FOXN3: variants seen among roughly 807,000 people sequenced by gnomAD.
The protein encoded by FOXN3 is forkhead box protein N3.
Under a neutral mutation model 38.4 loss-of-function variants are expected in FOXN3, and 7 were observed. The ratio of observed to expected loss-of-function variants is 0.18; its 90% CI spans 0.10 to 0.34. The LOEUF (loss-of-function observed/expected upper bound fraction) is 0.34, where lower values mean the gene tolerates loss of function less well. Ranked by LOEUF, FOXN3 falls within the 10% of genes least tolerant of loss-of-function variation. The pLI, the probability that FOXN3 is intolerant of heterozygous loss-of-function variation, is 1.00. For missense variants in FOXN3, 456 were observed against 613.4 expected, an observed-to-expected ratio of 0.74 and a Z score of 2.71; for synonymous variants, 230 against 242.2, an observed-to-expected ratio of 0.95 and a Z score of 0.47.
intron 2 of FOXN3, among the ~76,000 whole-genome samples, chr14:89,407,014 AAAC>A (rs909189830): frequency 1.4e-5 from 2 of 147,418 alleles, no homozygotes; most frequent in Non-Finnish European, 1.5e-5. Context: ...AAAAAAAAAA[AAAC>A]TAATGAGAAA....
At chr14:89,333,966 G>GTGTATATATATATA (rs1490383212) in intron 3 of FOXN3, among the ~76,000 whole-genome samples, 4 of 131,558 alleles carry the variant, frequency 3.0e-5, no homozygotes, top group African/African-American at 1.2e-4. Flanking sequence ...AATGTGGTGT[G>GTGTATATATATATA]TATATATATA....
At chr14:89,439,944 G>A (rs955179217) in intron 1 of FOXN3, among the ~76,000 whole-genome samples, 1 of 152,206 alleles carries the variant, frequency 6.6e-6, no homozygotes, top group Non-Finnish European at 1.5e-5. Context: ...GTGACCCACC[G>A]CGTCCAGCCT....
chr14:89,343,770 G>C (rs1470247397), intron 3 of FOXN3, among the ~76,000 whole-genome samples: 1 of 151,404 alleles, frequency 6.6e-6, no homozygotes, highest in Admixed American at 6.6e-5. Flanking sequence ...ATTTTGGTTG[G>C]TTTGTTTGTT....
intron 4 of FOXN3, among the ~76,000 whole-genome samples, chr14:89,227,760 G>A (rs886989851): frequency 9.2e-5 from 14 of 152,232 alleles, no homozygotes; most frequent in Admixed American, 2.0e-4. Context: ...CAAGAAGAGA[G>A]TCTCCTATGG....
intron 1 of FOXN3, among the ~76,000 whole-genome samples, chr14:89,554,919 G>A (rs980825389): frequency 3.3e-5 from 5 of 151,756 alleles, no homozygotes; most frequent in African/African-American, 1.2e-4. Context: ...CTCCCGAGTA[G>A]CTGTGATTAC....
At chr14:89,518,746 GTGGCTCATGCC>G (rs1302724888) in intron 1 of FOXN3, among the ~76,000 whole-genome samples, 1 of 152,216 alleles carries the variant, frequency 6.6e-6, no homozygotes, top group Non-Finnish European at 1.5e-5. Context: ...TTCTGCTGTG[GTGGCTCATGCC>G]TGTAATCCCA....
intron 1 of FOXN3, among the ~76,000 whole-genome samples, chr14:89,480,312 A>G (rs1893299761): frequency 6.6e-6 from 1 of 152,072 alleles, no homozygotes; most frequent in Non-Finnish European, 1.5e-5. Context: ...CTGAAGCAGG[A>G]GAATCACTTC....
At chr14:89,276,111 T>A (rs1803821908) in intron 4 of FOXN3, among the ~76,000 whole-genome samples, 1 of 152,082 alleles carries the variant, frequency 6.6e-6, no homozygotes. Flanking sequence ...TCCCCATCTC[T>A]ACTAAAAATA....
rs537440531 is a variant in FOXN3 at position 89,305,947 on chromosome 14, G to A, written c.681-24933C>T. 2.6e-5 allele frequency among the ~76,000 whole-genome samples: 4 copies of A among 152,270 alleles called. No individual in the cohort carries two copies. The East Asian group carries it at 7.7e-4, about 29-fold the overall frequency. ...GCATGTCTTTTGCCTACTTCTCTAAGAATAAGGATGAAAAGAAGCAGCTGA... is the reference window on the plus strand; with the variant it reads ...GCATGTCTTTTGCCTACTTCTCTAAAAATAAGGATGAAAAGAAGCAGCTGA... On this transcript the variant is annotated intron_variant, in intron 3 of 5. Transcript: ENST00000557258.
At chr14:89,181,987 C>T (rs1374738790) in intron 4 of FOXN3, among the ~76,000 whole-genome samples, 1 of 152,102 alleles carries the variant, frequency 6.6e-6, no homozygotes, top group African/African-American at 2.4e-5. Context: ...TTCAAGACTC[C>T]CCAGAGCTCT....
At chr14:89,304,650 G>C (rs1887319914) in intron 3 of FOXN3, among the ~76,000 whole-genome samples, 1 of 152,100 alleles carries the variant, frequency 6.6e-6, no homozygotes, top group Non-Finnish European at 1.5e-5. Context: ...GATGTGTTCT[G>C]AAAACTGGGC....
chr14:89,295,815 C>T (rs2139939847), intron 3 of FOXN3, among the ~76,000 whole-genome samples: 1 of 139,820 alleles, frequency 7.2e-6, no homozygotes, highest in South Asian at 2.2e-4. Context: ...TCCCAGGCTG[C>T]TCTTGAACTC....
intron 3 of FOXN3, among the ~76,000 whole-genome samples, chr14:89,293,660 A>G (rs1013850940): frequency 4.2e-4 from 64 of 152,188 alleles, no homozygotes; most frequent in African/African-American, 1.5e-3. Flanking sequence ...GACATCCTGC[A>G]AGGACCTTAT....
At chr14:89,417,701 G>A (rs1891790124), upstream of FOXN3, 1 of 455,894 alleles carries the variant, frequency 2.2e-6, no homozygotes, top group Non-Finnish European at 4.4e-6. Context: ...TTGTGGGGGT[G>A]AGAAGAGGAG....
intron 4 of FOXN3, among the ~76,000 whole-genome samples, chr14:89,192,209 T>G (rs1233059473): frequency 6.8e-6 from 1 of 146,860 alleles, no homozygotes; most frequent in Non-Finnish European, 1.5e-5. Flanking sequence ...ACATTAAATA[T>G]GTATATGAAT....
At chr14:89,195,066 C>A (rs186954457) in intron 4 of FOXN3, among the ~76,000 whole-genome samples, 3 of 152,292 alleles carry the variant, frequency 2.0e-5, no homozygotes, top group Admixed American at 2.0e-4. Context: ...ACAGGCATTG[C>A]CTTTTCTTTA....
chr14:89,528,376 C>CTTTTTTTTTTTTTTTT lies in FOXN3; in HGVS notation c.-15+90636_-15+90651dup, dbSNP rs55935162. Among the ~76,000 whole-genome samples, 13 of 53,576 alleles carry CTTTTTTTTTTTTTTTT rather than the reference C, an allele frequency of 2.4e-4. 2 individuals are homozygous for CTTTTTTTTTTTTTTTT. The highest frequency in any genetic ancestry group is 5.1e-4 in the African/African-American group (8 of 15,566). 35.1% of individuals were successfully genotyped at this position (53,576 alleles called of 152,430 possible). On this transcript the variant is annotated intron_variant, in intron 1 of 6. Transcript: ENST00000345097. Reference sequence around the variant, plus strand: ...TCATCCATACTCAACATGGATGAATCTTTTTTTTTTTTTTTTTTTTTTTTT... The same window carrying CTTTTTTTTTTTTTTTT: ...TCATCCATACTCAACATGGATGAATCTTTTTTTTTTTTTTTTTTTTTTTTTTTTTTTTTTTTTTTTT...
chr14:89,598,349 G>A (rs923894382), intron 1 of FOXN3, among the ~76,000 whole-genome samples: 4 of 152,034 alleles, frequency 2.6e-5, no homozygotes, highest in African/African-American at 7.2e-5. Context: ...ACATTTCTGA[G>A]CCTTGATCGG....
chr14:89,606,312 G>C (rs1483025775), intron 1 of FOXN3, among the ~76,000 whole-genome samples: 4 of 152,012 alleles, frequency 2.6e-5, no homozygotes, highest in Non-Finnish European at 5.9e-5. Flanking sequence ...ACTATCAGAA[G>C]GTAACTACTA....
Sources: allele counts gnomAD v4.1 joint callset (sites outside exome capture counted in the v4.1 genomes callset), GRCh38; gene constraint gnomAD v4.1.1; transcripts MANE v1.5; gene names NCBI Gene and HGNC (gene_info 2026-07-23, HGNC 2026-07-21).